ZNF385B: variants seen among roughly 807,000 people sequenced by gnomAD.
The protein encoded by ZNF385B is zinc finger protein 533.
A neutral mutation model predicts 39.2 loss-of-function variants in ZNF385B; 23 were observed. That is an observed-to-expected ratio of 0.59 (90% CI 0.42 to 0.83). The LOEUF (loss-of-function observed/expected upper bound fraction) is 0.83, where lower values mean the gene tolerates loss of function less well. Among genes scored for constraint, ZNF385B ranks in the 40% least tolerant of loss-of-function variants. The pLI is 0.00. For missense variants in ZNF385B, 552 were observed against 598.9 expected (o/e 0.92, Z 0.82); for synonymous variants, 205 against 222.6 (o/e 0.92, Z 0.70).
At chr2:179,741,907 A>G (rs1490105412) in intron 3 of ZNF385B, among the ~76,000 whole-genome samples, 1 of 152,094 alleles carries the variant, frequency 6.6e-6, no homozygotes, top group African/African-American at 2.4e-5. Flanking sequence ...AAATATTTAA[A>G]TAAAGGCCAG....
chr2:179,577,064 G>A (rs182152538), intron 3 of ZNF385B, among the ~76,000 whole-genome samples: 1 of 152,236 alleles, frequency 6.6e-6, no homozygotes, highest in Non-Finnish European at 1.5e-5. Context: ...AAAATATATT[G>A]AGGCAGTAGA....
intron 1 of ZNF385B, among the ~76,000 whole-genome samples, chr2:179,790,631 T>C (rs1384238254): frequency 1.3e-5 from 2 of 152,182 alleles, no homozygotes; most frequent in South Asian, 4.1e-4. Flanking sequence ...ATTCTCCTAC[T>C]AGGAACAGGA....
intron 1 of ZNF385B, among the ~76,000 whole-genome samples, chr2:179,813,259 C>T (rs1316448951): frequency 1.3e-5 from 2 of 151,988 alleles, no homozygotes; most frequent in African/African-American, 4.8e-5. Flanking sequence ...AGTGTTTGCC[C>T]CCAGATTTGG....
chr2:179,775,594 T>C (rs964283337), intron 1 of ZNF385B, among the ~76,000 whole-genome samples: 1 of 152,152 alleles, frequency 6.6e-6, no homozygotes, highest in Non-Finnish European at 1.5e-5. Flanking sequence ...TCCCAAGAGA[T>C]TGGGATTATT....
At chr2:179,749,220 A>G (rs1247854592) in intron 3 of ZNF385B, among the ~76,000 whole-genome samples, 1 of 152,088 alleles carries the variant, frequency 6.6e-6, no homozygotes, top group African/African-American at 2.4e-5. Context: ...AGTCCATTAA[A>G]TAATAGATAA....
intron 3 of ZNF385B, chr2:179,746,095 C>T (rs1434920673): frequency 3.1e-6 from 3 of 977,052 alleles, no homozygotes; most frequent in East Asian, 1.9e-4. Context: ...CAACCTAAGC[C>T]TTCATTATCA....
chr2:179,662,418 A>T (rs1257192694), intron 3 of ZNF385B, among the ~76,000 whole-genome samples: 2 of 151,584 alleles, frequency 1.3e-5, no homozygotes, highest in East Asian at 3.9e-4. Context: ...CTTTGAAACA[A>T]TACATTTCTG....
At chr2:179,816,197 G>A (rs566137222) in intron 1 of ZNF385B, among the ~76,000 whole-genome samples, 1 of 152,228 alleles carries the variant, frequency 6.6e-6, no homozygotes, top group African/African-American at 2.4e-5. Context: ...AAAAACCTTG[G>A]AATCATCAAC....
chr2:179,611,872 G>T (rs1689317043), intron 3 of ZNF385B, among the ~76,000 whole-genome samples: 1 of 151,976 alleles, frequency 6.6e-6, no homozygotes, highest in African/African-American at 2.4e-5. Context: ...CGATTGTAAT[G>T]TCTCCTTTTC....
chr2:179,840,221 C>T (rs1708472551), intron 1 of ZNF385B, among the ~76,000 whole-genome samples: 1 of 152,194 alleles, frequency 6.6e-6, no homozygotes, highest in Non-Finnish European at 1.5e-5. Flanking sequence ...CCTGCCTTGT[C>T]CCCCAAAGTC....
At chr2:179,715,320 C>A (rs1299883618) in intron 3 of ZNF385B, among the ~76,000 whole-genome samples, 2 of 152,172 alleles carry the variant, frequency 1.3e-5, no homozygotes, top group Non-Finnish European at 2.9e-5. Context: ...ATCCCAGAGT[C>A]CATACCCCAC....
chr2:179,812,279 C>G (rs1259688004), intron 1 of ZNF385B, among the ~76,000 whole-genome samples: 1 of 152,154 alleles, frequency 6.6e-6, no homozygotes, highest in Non-Finnish European at 1.5e-5. Context: ...ACCCAGCAAT[C>G]CCATTACTGG....
intron 3 of ZNF385B, among the ~76,000 whole-genome samples, chr2:179,592,832 T>C (rs1228068999): frequency 6.6e-6 from 1 of 152,148 alleles, no homozygotes; most frequent in Non-Finnish European, 1.5e-5. Context: ...TATTTCTCTG[T>C]GTCTTTTTTG....
At chr2:179,676,380 G>A (rs1179734865) in intron 3 of ZNF385B, among the ~76,000 whole-genome samples, 7 of 150,618 alleles carry the variant, frequency 4.6e-5, no homozygotes, top group Admixed American at 2.6e-4. Flanking sequence ...GAGCCACCAC[G>A]CCCAGCCTAA....
At chr2:179,842,505 C>G (rs1304284381) in intron 1 of ZNF385B, among the ~76,000 whole-genome samples, 2 of 152,160 alleles carry the variant, frequency 1.3e-5, no homozygotes, top group Non-Finnish European at 2.9e-5. Context: ...CACAGAGATG[C>G]TCAAGAACTC....
chr2:179,678,268 T>C (rs537227611), intron 3 of ZNF385B, among the ~76,000 whole-genome samples: 1 of 152,352 alleles, frequency 6.6e-6, no homozygotes, highest in South Asian at 2.1e-4. Context: ...GGCAGAGTTC[T>C]CTTACTCTCT....
At chr2:179,671,809 G>T (rs1313253488) in intron 3 of ZNF385B, among the ~76,000 whole-genome samples, 7 of 152,244 alleles carry the variant, frequency 4.6e-5, no homozygotes, top group Non-Finnish European at 1.0e-4. Flanking sequence ...CAGTGGGGGT[G>T]TGGCTGCCTC....
chr2:179,526,036 A>ATTT (rs3054031), intron 4 of ZNF385B, among the ~76,000 whole-genome samples: 3,976 of 129,122 alleles, frequency 0.031, 194 homozygotes, highest in African/African-American at 0.084. Context: ...TTAACCACAG[A>ATTT]TTTTTTTTTT....
chr2:179,715,260 C>T (rs1260427253), intron 3 of ZNF385B, among the ~76,000 whole-genome samples: 5 of 152,170 alleles, frequency 3.3e-5, no homozygotes, highest in African/African-American at 1.2e-4. Flanking sequence ...CATGTCCCAC[C>T]ACCATAGGTG....
Sources: allele counts gnomAD v4.1 joint callset (sites outside exome capture counted in the v4.1 genomes callset), GRCh38; gene constraint gnomAD v4.1.1; transcripts MANE v1.5; gene names NCBI Gene and HGNC (gene_info 2026-07-23, HGNC 2026-07-21).